The following XKR4 variants were observed in gnomAD, a reference collection of about 807,000 sequenced individuals.
XKR4 encodes XK related 4.
XKR4 carries 12 observed loss-of-function variants against 53.9 expected under a neutral mutation model. The observed-to-expected ratio is 0.22, with a 90% CI of 0.14 to 0.36. The LOEUF (loss-of-function observed/expected upper bound fraction) is 0.36, where lower values mean the gene tolerates loss of function less well. Ranked by LOEUF, XKR4 falls within the 10% of genes least tolerant of loss-of-function variation. The pLI is 1.00. For synonymous variants in XKR4, 354 were observed against 362.4 expected (o/e 0.98, Z 0.26); for missense variants, 799 against 859.5 (o/e 0.93, Z 0.88).
intron 2 of XKR4, among the ~76,000 whole-genome samples, chr8:55,482,289 T>C (rs113844820): frequency 3.3e-5 from 5 of 151,968 alleles, no homozygotes; most frequent in Non-Finnish European, 5.9e-5. Flanking sequence ...AGCAAACTAT[T>C]GCAAGGACAA....
intron 1 of XKR4, among the ~76,000 whole-genome samples, chr8:55,293,283 C>T (rs763657726): frequency 9.2e-5 from 14 of 151,866 alleles, no homozygotes; most frequent in African/African-American, 3.1e-4. Context: ...TGCAGTGAGC[C>T]GAGATTGCAG....
At position 55,530,478 on chromosome 8, in the gene XKR4, T is replaced by C. The variant is rs72649580; in HGVS notation, c.*6251T>C. 2.0e-5 allele frequency: 3 copies of C among 152,366 alleles called. No individual in the cohort carries two copies. Among genetic ancestry groups the C allele is most frequent in the African/African-American group, 4.8e-5 (2 of 41,596 alleles). 9.4% of individuals were successfully genotyped at this position (152,366 alleles called of 1,614,324 possible). ...GTTCTTTCCCTTCTCACTTTAGATA[T>C]AGCATGTCTGAAGGTCTGCAAGATG... On this transcript the variant is annotated 3_prime_UTR_variant, in exon 3 of 3. Coordinates refer to ENST00000327381, the MANE Select transcript of XKR4 (RefSeq NM_052898.2).
At chr8:55,177,276 A>G (rs1360980939) in intron 1 of XKR4, among the ~76,000 whole-genome samples, 1 of 152,136 alleles carries the variant, frequency 6.6e-6, no homozygotes, top group African/African-American at 2.4e-5. Flanking sequence ...ACCTCAGGCC[A>G]TCTGCCCACC....
intron 2 of XKR4, chr8:55,451,602 G>T: frequency 1.4e-6 from 2 of 1,420,924 alleles, no homozygotes; most frequent in East Asian, 2.4e-5. Flanking sequence ...AGCAGACAAC[G>T]GTGAAGCGGT....
At chr8:55,231,204 A>G (rs1454320228) in intron 1 of XKR4, among the ~76,000 whole-genome samples, 1 of 152,234 alleles carries the variant, frequency 6.6e-6, no homozygotes, top group African/African-American at 2.4e-5. Flanking sequence ...TAAAATATTG[A>G]GGCTTATAGG....
intron 1 of XKR4, among the ~76,000 whole-genome samples, chr8:55,180,227 C>T (rs960157936): frequency 6.6e-6 from 1 of 152,196 alleles, no homozygotes; most frequent in East Asian, 1.9e-4. Flanking sequence ...GACCATTAAT[C>T]AGTCAGGGAT....
intron 1 of XKR4, among the ~76,000 whole-genome samples, chr8:55,126,226 G>C (rs956379867): frequency 6.6e-6 from 1 of 152,204 alleles, no homozygotes; most frequent in Non-Finnish European, 1.5e-5. Flanking sequence ...GTGGTAACTT[G>C]GAATGATGAA....
chr8:55,261,552 T>G (rs1818526709), intron 1 of XKR4, among the ~76,000 whole-genome samples: 2 of 152,204 alleles, frequency 1.3e-5, no homozygotes, highest in Admixed American at 1.3e-4. Context: ...TGAAGAGTAA[T>G]AGAAACAAAA....
At chr8:55,157,969 A>G (rs1211733528) in intron 1 of XKR4, among the ~76,000 whole-genome samples, 1 of 152,228 alleles carries the variant, frequency 6.6e-6, no homozygotes, top group East Asian at 1.9e-4. Flanking sequence ...ATAGCAATGC[A>G]ATGAACATAC....
intron 1 of XKR4, among the ~76,000 whole-genome samples, chr8:55,130,934 C>T (rs1447142331): frequency 2.6e-5 from 4 of 151,952 alleles, no homozygotes; most frequent in African/African-American, 7.3e-5. Context: ...CCAAGGTGGG[C>T]GGATCACCTG....
intron 1 of XKR4, among the ~76,000 whole-genome samples, chr8:55,144,632 G>A (rs965647396): frequency 1.3e-5 from 2 of 151,842 alleles, no homozygotes; most frequent in African/African-American, 4.8e-5. Context: ...GATAAAACTT[G>A]TAAGTCATAG....
At chr8:55,391,986 A>G (rs1804449646) in intron 2 of XKR4, among the ~76,000 whole-genome samples, 1 of 152,166 alleles carries the variant, frequency 6.6e-6, no homozygotes, top group Admixed American at 6.5e-5. Context: ...GGTGGAAATA[A>G]GTAATTTTGT....
chr8:55,174,029 C>A (rs965614477), intron 1 of XKR4, among the ~76,000 whole-genome samples: 5 of 151,930 alleles, frequency 3.3e-5, no homozygotes, highest in African/African-American at 1.2e-4. Flanking sequence ...AGAGATACTG[C>A]TATTTTGGTG....
chr8:55,249,135 T>C (rs995973115), intron 1 of XKR4, among the ~76,000 whole-genome samples: 1 of 152,224 alleles, frequency 6.6e-6, no homozygotes, highest in Non-Finnish European at 1.5e-5. Flanking sequence ...TATAGCAAAA[T>C]GAAGCCCTCT....
intron 1 of XKR4, among the ~76,000 whole-genome samples, chr8:55,136,531 G>A (rs560737610): frequency 2.6e-5 from 4 of 152,276 alleles, no homozygotes; most frequent in African/African-American, 7.2e-5. Flanking sequence ...TAATATCAAC[G>A]CTCCACGAAT....
chr8:55,358,002 T>C, intron 2 of XKR4, 125 bp downstream of exon 2: 1 of 924,722 alleles, frequency 1.1e-6, no homozygotes, highest in African/African-American at 1.7e-5. Context: ...CTGTTTTACA[T>C]GTGTTTCGTG....
chr8:55,117,446 G>A (rs1016017194), intron 1 of XKR4, among the ~76,000 whole-genome samples: 6 of 152,174 alleles, frequency 3.9e-5, no homozygotes, highest in Admixed American at 6.5e-5. Flanking sequence ...GCTTAAGGCC[G>A]AGCAACATGC....
At chr8:55,336,946 T>C (rs1214959980) in intron 1 of XKR4, among the ~76,000 whole-genome samples, 1 of 152,192 alleles carries the variant, frequency 6.6e-6, no homozygotes, top group South Asian at 2.1e-4. Flanking sequence ...ATTTCATAGC[T>C]GAACTCCATA....
At chr8:55,253,446 A>G (rs1818388403) in intron 1 of XKR4, among the ~76,000 whole-genome samples, 1 of 152,334 alleles carries the variant, frequency 6.6e-6, no homozygotes, top group South Asian at 2.1e-4. Context: ...TATAGCTACA[A>G]TTAAAGTGGC....
Sources: allele counts gnomAD v4.1 joint callset (sites outside exome capture counted in the v4.1 genomes callset), GRCh38; gene constraint gnomAD v4.1.1; transcripts MANE v1.5; gene names NCBI Gene and HGNC (gene_info 2026-07-23, HGNC 2026-07-21).